ATF1: variants seen among roughly 807,000 people sequenced by gnomAD.
ATF1 encodes the protein activating transcription factor 1, also known as cyclic AMP-dependent transcription factor ATF-1.
A neutral mutation model predicts 34.7 loss-of-function variants in ATF1; 16 were observed. The observed-to-expected ratio is 0.46, with a 90% CI of 0.31 to 0.70. The LOEUF is 0.70. Among genes scored for constraint, ATF1 ranks in the 30% least tolerant of loss-of-function variants. ATF1 has a pLI of 0.05. For missense variants in ATF1, 255 were observed against 321.6 expected, an observed-to-expected ratio of 0.79 and a Z score of 1.58; for synonymous variants, 105 against 113.1, an observed-to-expected ratio of 0.93 and a Z score of 0.46.
chr12:50,809,977 G>A (rs1941700647), intron 4 of ATF1, among the ~76,000 whole-genome samples: 1 of 151,998 alleles, frequency 6.6e-6, no homozygotes. Flanking sequence ...GGGATTACAG[G>A]CGTGTGCCAC....
chr12:50,798,757 C>CA (rs528142111), intron 3 of ATF1, among the ~76,000 whole-genome samples: 1 of 152,148 alleles, frequency 6.6e-6, no homozygotes, highest in Non-Finnish European at 1.5e-5. Flanking sequence ...CGTGCAAGGA[C>CA]ATAAACCACG....
chr12:50,785,096 G>A (rs750895088), intron 2 of ATF1, among the ~76,000 whole-genome samples: 27 of 145,920 alleles, frequency 1.9e-4, no homozygotes, highest in Middle Eastern at 3.6e-3. Flanking sequence ...CAAGATTGAC[G>A]TCACAGTTTT....
At chr12:50,764,351 G>T (rs1407190246) in intron 1 of ATF1, 44 bp downstream of exon 1, 1 of 151,656 alleles carries the variant, frequency 6.6e-6, no homozygotes, top group Non-Finnish European at 1.5e-5. Flanking sequence ...GCCCGGGCGG[G>T]GAAGGACGCG....
intron 2 of ATF1, among the ~76,000 whole-genome samples, 200 bp from the exon 3 acceptor site, chr12:50,795,709 T>TA (rs1233302412): frequency 5.9e-5 from 9 of 152,364 alleles, no homozygotes; most frequent in African/African-American, 1.9e-4. Context: ...CTATATTTGA[T>TA]ATTCCTTTAA....
At chr12:50,813,897 T>G in intron 4 of ATF1, 113 bp from the exon 5 acceptor site, 1 of 968,488 alleles carries the variant, frequency 1.0e-6, no homozygotes. Flanking sequence ...AGTTACCAAG[T>G]AGAAGTGCAT....
intron 1 of ATF1, among the ~76,000 whole-genome samples, chr12:50,772,955 T>C (rs2139639292): frequency 6.6e-6 from 1 of 152,270 alleles, no homozygotes; most frequent in African/African-American, 2.4e-5. Flanking sequence ...TGTGTGTTGT[T>C]CTCCCACCAT....
intron 1 of ATF1, among the ~76,000 whole-genome samples, chr12:50,776,607 A>G (rs774646263): frequency 6.6e-6 from 1 of 152,076 alleles, no homozygotes; most frequent in African/African-American, 2.4e-5. Flanking sequence ...ATATGAAACA[A>G]TGTATATTTT....
chr12:50,773,351 A>C (rs915556361), intron 1 of ATF1, among the ~76,000 whole-genome samples: 2 of 152,070 alleles, frequency 1.3e-5, no homozygotes, highest in African/African-American at 4.8e-5. Context: ...ACTGTCTTCC[A>C]CAATGGTTGA....
chr12:50,812,707 C>T (rs987489726), intron 4 of ATF1, among the ~76,000 whole-genome samples: 1 of 151,908 alleles, frequency 6.6e-6, no homozygotes, highest in African/African-American at 2.4e-5. Context: ...ATCTATAGTT[C>T]CAGCTACTTG....
intron 3 of ATF1, among the ~76,000 whole-genome samples, chr12:50,803,397 T>G (rs1455104062): frequency 1.3e-5 from 2 of 151,730 alleles, no homozygotes; most frequent in Non-Finnish European, 1.5e-5. Flanking sequence ...AAATACTGCT[T>G]CAAACCCACT....
intron 2 of ATF1, among the ~76,000 whole-genome samples, chr12:50,785,186 C>G (rs192917365): frequency 1.3e-5 from 2 of 150,532 alleles, no homozygotes; most frequent in African/African-American, 4.9e-5. Context: ...GCTTGGGAGG[C>G]TCAGGTGGGA....
upstream of ATF1, chr12:50,763,731 T>G (rs564659890): frequency 1.6e-4 from 24 of 146,062 alleles, no homozygotes; most frequent in African/African-American, 6.1e-4. Flanking sequence ...TCGGTCAAGG[T>G]CAATTGGCAG....
chr12:50,786,428 TGGG>T lies in ATF1; in HGVS notation c.93+6191_93+6193del, dbSNP rs563861245. On this transcript the variant is annotated intron_variant, in intron 2 of 6. Transcript: ENST00000262053. ...GGCAAGCGTGAGCGTATAGAATCCT[TGGG>T]AGCTGCAGACACAAAGACAGTTCAT... 1.7e-3 allele frequency among the ~76,000 whole-genome samples: 252 copies of T among 152,144 alleles called. 3 individuals carry two copies. The highest frequency in any genetic ancestry group is 5.8e-3 in the African/African-American group (241 of 41,488).
chr12:50,803,778 A>G (rs1323292488), intron 3 of ATF1, among the ~76,000 whole-genome samples: 2 of 152,274 alleles, frequency 1.3e-5, no homozygotes, highest in African/African-American at 2.4e-5. Flanking sequence ...TTAAAAAGCA[A>G]TGAAGTGCTA....
At chr12:50,805,857 G>GA (rs956792548) in intron 3 of ATF1, among the ~76,000 whole-genome samples, 10 of 151,498 alleles carry the variant, frequency 6.6e-5, no homozygotes, top group Admixed American at 5.9e-4. Flanking sequence ...ACAGTGTTGA[G>GA]AAAAAAAATA....
At chr12:50,805,318 G>A (rs1185165664) in intron 3 of ATF1, among the ~76,000 whole-genome samples, 1 of 151,988 alleles carries the variant, frequency 6.6e-6, no homozygotes, top group Non-Finnish European at 1.5e-5. Context: ...CACTGTGGGA[G>A]GCCGAGGTGG....
intron 1 of ATF1, among the ~76,000 whole-genome samples, chr12:50,768,528 G>A (rs974127318): frequency 2.6e-5 from 4 of 152,096 alleles, no homozygotes; most frequent in Non-Finnish European, 4.4e-5. Context: ...CCCTGAAGCC[G>A]GTAATCCAAT....
intron 3 of ATF1, among the ~76,000 whole-genome samples, chr12:50,804,881 G>A (rs1368360507): frequency 4.0e-5 from 6 of 149,858 alleles, no homozygotes; most frequent in African/African-American, 1.5e-4. Context: ...GCGCGATCTT[G>A]GCTTACTGCA....
At chr12:50,793,709 TTAA>T (rs1393633557) in intron 2 of ATF1, among the ~76,000 whole-genome samples, 4 of 152,120 alleles carry the variant, frequency 2.6e-5, no homozygotes, top group South Asian at 2.1e-4. Flanking sequence ...TGGTTATTTC[TTAA>T]TTATTATTGG....
Sources: gnomAD v4.1 joint callset for allele counts (sites outside exome capture counted in the v4.1 genomes callset) on GRCh38, gnomAD v4.1.1 for gene constraint, MANE v1.5 for transcripts, NCBI Gene and HGNC (gene_info 2026-07-23, HGNC 2026-07-21) for gene names.